The following NFIB variants were observed in gnomAD, a reference collection of about 807,000 sequenced individuals.
NFIB encodes the protein nuclear factor 1 B-type.
In NFIB, 11 loss-of-function variants were observed where a neutral mutation model predicts 61.5. That is an observed-to-expected ratio of 0.18 (90% CI 0.11 to 0.30). The LOEUF (loss-of-function observed/expected upper bound fraction) is 0.30, where lower values mean the gene tolerates loss of function less well. Ranked by LOEUF, NFIB falls within the 10% of genes least tolerant of loss-of-function variation. The pLI, the probability that NFIB is intolerant of heterozygous loss-of-function variation, is 1.00. For synonymous variants in NFIB, 260 were observed against 216.5 expected (o/e 1.20, Z -1.76); for missense variants, 471 against 608.9 (o/e 0.77, Z 2.38).
At chr9:14,317,182 C>T (rs955492885), upstream of NFIB, 3 of 152,208 alleles carry the variant, frequency 2.0e-5, no homozygotes, top group African/African-American at 7.2e-5. Context: ...TTATTAGTTT[C>T]CCTTTCCCAA....
the NFIB span, among the ~76,000 whole-genome samples, chr9:14,519,230 G>T: frequency 6.6e-6 from 1 of 152,162 alleles, no homozygotes; most frequent in South Asian, 2.1e-4. Flanking sequence ...AAGTCTGATG[G>T]TATCGGTGCT....
chr9:14,344,189 G>A (rs2060990569), intron 1 of NFIB, among the ~76,000 whole-genome samples: 1 of 151,814 alleles, frequency 6.6e-6, no homozygotes, highest in Non-Finnish European at 1.5e-5. Flanking sequence ...AAACAACAGA[G>A]ACAGACACAC....
At chr9:14,402,359 A>T (rs1028543749), upstream of NFIB, among the ~76,000 whole-genome samples, 3 of 152,184 alleles carry the variant, frequency 2.0e-5, no homozygotes, top group Non-Finnish European at 2.9e-5. Flanking sequence ...ACCTTCTTTG[A>T]GACTCTGTAC....
chr9:14,332,705 A>G (rs1320452871), intron 1 of NFIB, among the ~76,000 whole-genome samples: 1 of 152,218 alleles, frequency 6.6e-6, no homozygotes, highest in Non-Finnish European at 1.5e-5. Context: ...ATTGAAGAAG[A>G]CGTCGTCACT....
At chr9:14,504,359 G>C in the NFIB span, among the ~76,000 whole-genome samples, 1 of 152,102 alleles carries the variant, frequency 6.6e-6, no homozygotes, top group East Asian at 1.9e-4. Context: ...TTCTAGTTCT[G>C]TGAAGAATGA....
the NFIB span, among the ~76,000 whole-genome samples, chr9:14,481,447 C>T: frequency 6.6e-6 from 1 of 151,390 alleles, no homozygotes; most frequent in African/African-American, 2.4e-5. Context: ...AAATCTTTGT[C>T]TCTGAGTCTC....
At chr9:14,430,344 GT>G in the NFIB span, among the ~76,000 whole-genome samples, 2 of 150,874 alleles carry the variant, frequency 1.3e-5, no homozygotes, top group African/African-American at 4.9e-5. Flanking sequence ...TGCCATGGTA[GT>G]TGACTCTGAG....
chr9:14,185,787 G>A (rs1236184955), intron 2 of NFIB, among the ~76,000 whole-genome samples: 1 of 152,098 alleles, frequency 6.6e-6, no homozygotes, highest in Admixed American at 6.5e-5. Context: ...CAATTCCCAG[G>A]GCTAAGTCTC....
chr9:14,251,960 C>A (rs560304555), intron 2 of NFIB, among the ~76,000 whole-genome samples: 1 of 152,318 alleles, frequency 6.6e-6, no homozygotes, highest in South Asian at 2.1e-4. Context: ...CCGTTATCCA[C>A]CTATGCCCAC....
Position 14,395,206 on chromosome 9 carries a change from G to A in NFIB, c.108+3318C>T, listed in dbSNP as rs144600964. Among the ~76,000 whole-genome samples the A allele has an allele frequency of 2.2e-3, 334 of 151,650 alleles. 3 individuals are homozygous for A. The highest frequency in any genetic ancestry group is 3.5e-3 in the East Asian group (18 of 5,138). ...CCATATGTGTGCTAGCTACCCCATC[G>A]CTGCTCAGAACAGGAGGTCCAAACA... On this transcript the variant is annotated intron_variant, in intron 1 of 8. Transcript: ENST00000380934.
intron 2 of NFIB, among the ~76,000 whole-genome samples, chr9:14,225,719 T>C (rs2052315279): frequency 6.6e-6 from 1 of 152,106 alleles, no homozygotes; most frequent in Non-Finnish European, 1.5e-5. Flanking sequence ...GATTTGACTC[T>C]ATCAGAGTAT....
At chr9:14,522,654 A>G in the NFIB span, among the ~76,000 whole-genome samples, 1 of 152,214 alleles carries the variant, frequency 6.6e-6, no homozygotes, top group Non-Finnish European at 1.5e-5. Flanking sequence ...AATAACTATT[A>G]TCCCCTGCAG....
intron 2 of NFIB, among the ~76,000 whole-genome samples, chr9:14,256,469 A>T (rs1216784818): frequency 6.6e-6 from 1 of 152,216 alleles, no homozygotes; most frequent in Non-Finnish European, 1.5e-5. Flanking sequence ...GAAAACATAT[A>T]AGTAGGATGA....
intron 2 of NFIB, among the ~76,000 whole-genome samples, chr9:14,250,994 A>G (rs1251258714): frequency 6.6e-6 from 1 of 152,252 alleles, no homozygotes. Context: ...AGTTTTTCAG[A>G]GACTTTTCTT....
intron 2 of NFIB, among the ~76,000 whole-genome samples, chr9:14,183,593 C>T (rs1231358669): frequency 1.3e-5 from 2 of 151,830 alleles, no homozygotes; most frequent in Admixed American, 6.6e-5. Context: ...TTGGTAGAGA[C>T]GGGGTTTCAC....
chr9:14,507,766 G>T, the NFIB span, among the ~76,000 whole-genome samples: 3 of 152,168 alleles, frequency 2.0e-5, no homozygotes, highest in Non-Finnish European at 4.4e-5. Context: ...CTCACTCTTT[G>T]ATTGGAGGTC....
At chr9:14,226,890 G>T (rs114764851) in intron 2 of NFIB, among the ~76,000 whole-genome samples, 1 of 151,890 alleles carries the variant, frequency 6.6e-6, no homozygotes, top group Non-Finnish European at 1.5e-5. Context: ...CTGTAATCCC[G>T]GCACTTTGGG....
At chr9:14,153,903 C>T (rs1450560497) in intron 4 of NFIB, among the ~76,000 whole-genome samples, 1 of 152,032 alleles carries the variant, frequency 6.6e-6, no homozygotes, top group Non-Finnish European at 1.5e-5. Flanking sequence ...TTCAGAGACA[C>T]CTATTTACAT....
chr9:14,459,988 T>C, the NFIB span, among the ~76,000 whole-genome samples: 177 of 152,148 alleles, frequency 1.2e-3, no homozygotes, highest in African/African-American at 4.1e-3. Context: ...GAACTAGAAA[T>C]ACCATTTGAC....
Sources: allele counts gnomAD v4.1 joint callset (sites outside exome capture counted in the v4.1 genomes callset), GRCh38; gene constraint gnomAD v4.1.1; transcripts MANE v1.5; gene names NCBI Gene and HGNC (gene_info 2026-07-23, HGNC 2026-07-21).